Variants in FHL5 observed in about 807,000 individuals in gnomAD.
FHL5 encodes four and a half LIM domains 5, also known as four and a half LIM domains protein 5.
A neutral mutation model predicts 32.0 loss-of-function variants in FHL5; 33 were observed. That is an observed-to-expected ratio of 1.03 (90% CI 0.78 to 1.38). The LOEUF is 1.38. FHL5 is among the 40% of genes most tolerant of loss of function. FHL5 has a pLI of 0.00. For missense variants in FHL5, 336 were observed against 343.9 expected, an observed-to-expected ratio of 0.98 and a Z score of 0.18; for synonymous variants, 114 against 113.6, an observed-to-expected ratio of 1.00 and a Z score of -0.02.
rs138590026 is a variant in FHL5 at position 96,582,704 on chromosome 6, C to T, written c.-13+19349C>T. Reference sequence around the variant, plus strand: ...AACAAACTGTGCTTGCAAATATGTCCCTAGAGACTAATATCAAACATTCCA... The same window carrying T: ...AACAAACTGTGCTTGCAAATATGTCTCTAGAGACTAATATCAAACATTCCA... On this transcript the variant is annotated intron_variant, in intron 1 of 5. Coordinates refer to ENST00000450218, the MANE Select transcript of FHL5 (RefSeq NM_001322466.2). 2.7e-3 allele frequency among the ~76,000 whole-genome samples: 417 copies of T among 152,228 alleles called. 1 individual carries two copies. Among genetic ancestry groups the T allele is most frequent in the African/African-American group, 9.3e-3 (387 of 41,530 alleles).
At chr6:96,576,063 A>G (rs2971601) in intron 1 of FHL5, among the ~76,000 whole-genome samples, 1,607 of 152,328 alleles carry the variant, frequency 0.011, 30 homozygotes, top group African/African-American at 0.037. Flanking sequence ...TACCTCCACA[A>G]CTGTGTGGAC....
At chr6:96,611,530 G>C (rs936709595) in intron 5 of FHL5, among the ~76,000 whole-genome samples, 9 of 152,142 alleles carry the variant, frequency 5.9e-5, no homozygotes, top group Non-Finnish European at 1.3e-4. Context: ...GAGAAACTCA[G>C]CAGCTATTCT....
chr6:96,591,214 CTGTA>C (rs780559974), intron 1 of FHL5, among the ~76,000 whole-genome samples: 49 of 152,230 alleles, frequency 3.2e-4, no homozygotes, highest in Non-Finnish European at 3.8e-4. Flanking sequence ...TTATTTCCCT[CTGTA>C]TGTAGCCTTT....
At chr6:96,610,823 G>C in intron 5 of FHL5, 65 bp downstream of exon 5, 2 of 1,175,898 alleles carry the variant, frequency 1.7e-6, no homozygotes, top group Non-Finnish European at 2.4e-6. Flanking sequence ...ACACTATCTA[G>C]TTAATTTAGG....
At position 96,606,705 on chromosome 6, in the gene FHL5, C is replaced by G. The variant is rs186869981; in HGVS notation, c.504+634C>G. ...GTATTCTGGGAGAAAGCACAGGTCTCTCTTTGAATACAGATGTTTCTTAAA... is the reference window on the plus strand; with the variant it reads ...GTATTCTGGGAGAAAGCACAGGTCTGTCTTTGAATACAGATGTTTCTTAAA... On this transcript the variant is annotated intron_variant, in intron 4 of 5. Coordinates refer to ENST00000450218, the MANE Select transcript of FHL5 (RefSeq NM_001322466.2). 3.0e-3 allele frequency among the ~76,000 whole-genome samples: 454 copies of G among 152,260 alleles called. 5 individuals are homozygous for G. The highest frequency in any genetic ancestry group is 0.011 in the African/African-American group (437 of 41,556).
At chr6:96,598,459 C>G (rs1461167552) in intron 1 of FHL5, among the ~76,000 whole-genome samples, 1 of 152,168 alleles carries the variant, frequency 6.6e-6, no homozygotes, top group African/African-American at 2.4e-5. Context: ...TCCATAATAT[C>G]CATTACAAAA....
At chr6:96,599,870 T>C (rs113942825) in intron 1 of FHL5, among the ~76,000 whole-genome samples, 3,985 of 152,338 alleles carry the variant, frequency 0.026, 59 homozygotes, top group Non-Finnish European at 0.031. Context: ...AGAACAGCTT[T>C]GCTCAAGAAT....
At chr6:96,573,021 C>G (rs1332740424) in intron 1 of FHL5, among the ~76,000 whole-genome samples, 1 of 151,434 alleles carries the variant, frequency 6.6e-6, no homozygotes, top group Non-Finnish European at 1.5e-5. Context: ...ACCTTTAATA[C>G]TTTTAGAAAG....
At chr6:96,566,198 C>T (rs1011573498) in intron 1 of FHL5, among the ~76,000 whole-genome samples, 1 of 151,994 alleles carries the variant, frequency 6.6e-6, no homozygotes, top group Non-Finnish European at 1.5e-5. Flanking sequence ...TCTGCTCTCT[C>T]CTTCTATGAG....
At chr6:96,563,838 A>G (rs1164680986) in intron 1 of FHL5, among the ~76,000 whole-genome samples, 1 of 152,144 alleles carries the variant, frequency 6.6e-6, no homozygotes, top group South Asian at 2.1e-4. Flanking sequence ...GATTCCTGCT[A>G]TTTTCAAGAA....
Position 96,584,671 on chromosome 6 carries a change from G to A in FHL5, c.-12-18931G>A, listed in dbSNP as rs543781422. On this transcript the variant is annotated intron_variant, in intron 1 of 5. Transcript: ENST00000450218. ...GAGTGAGATTTTTATCAAGCATCATGGAGGATGTTCTGGAATTCTCCAGGA... is the reference window on the plus strand; with the variant it reads ...GAGTGAGATTTTTATCAAGCATCATAGAGGATGTTCTGGAATTCTCCAGGA... 7.4e-4 allele frequency among the ~76,000 whole-genome samples: 113 copies of A among 152,182 alleles called. 2 individuals are homozygous for A. The South Asian group carries it at 0.023, about 31-fold the overall frequency.
intron 1 of FHL5, among the ~76,000 whole-genome samples, chr6:96,583,697 T>C (rs1166354158): frequency 6.6e-6 from 1 of 152,152 alleles, no homozygotes; most frequent in African/African-American, 2.4e-5. Flanking sequence ...TTGGCTGATA[T>C]TCAAAGGGCA....
intron 1 of FHL5, among the ~76,000 whole-genome samples, chr6:96,592,528 G>GCAA (rs1770943275): frequency 6.6e-6 from 1 of 152,054 alleles, no homozygotes; most frequent in South Asian, 2.1e-4. Flanking sequence ...GGGTCCTGAG[G>GCAA]CAACATACAT....
chr6:96,567,213 C>T (rs1770376924), intron 1 of FHL5, among the ~76,000 whole-genome samples: 1 of 151,870 alleles, frequency 6.6e-6, no homozygotes, highest in Admixed American at 6.6e-5. Context: ...TATGAATATT[C>T]AGTTTTCCCA....
chr6:96,610,883 A>G (rs112698195), intron 5 of FHL5, 125 bp downstream of exon 5: 16,448 of 675,216 alleles, frequency 0.024, 272 homozygotes, highest in Non-Finnish European at 0.029. Flanking sequence ...CTTTTGAGAT[A>G]AACACAAGTG....
At chr6:96,604,309 C>CTT (rs763819478) in intron 2 of FHL5, among the ~76,000 whole-genome samples, 2 of 133,536 alleles carry the variant, frequency 1.5e-5, no homozygotes, top group Admixed American at 1.5e-4. Context: ...CTCTCTCTTT[C>CTT]TCTCTCTCTC....
intron 1 of FHL5, among the ~76,000 whole-genome samples, chr6:96,584,019 T>G (rs1770746760): frequency 1.3e-5 from 2 of 152,174 alleles, no homozygotes; most frequent in South Asian, 4.1e-4. Flanking sequence ...AGTTTCTATT[T>G]GTTCAATTAT....
In FHL5 at chr6:96,578,906, T is replaced by C. The variant is rs1012819416; in HGVS notation, c.-13+15551T>C. ...TTGGATTAGTTATGTGGGTATTTTC[T>C]ACTAAGTATTTGCGAAATTTCATTT... On this transcript the variant is annotated intron_variant, in intron 1 of 5. Transcript: ENST00000450218. Among the ~76,000 whole-genome samples, 6 of 152,318 alleles carry C rather than the reference T, an allele frequency of 3.9e-5. No homozygotes were observed. In the East Asian group the frequency reaches 1.2e-3, roughly 29 times the overall value.
chr6:96,606,154 CTATTA>C, intron 4 of FHL5, 83 bp downstream of exon 4: 1 of 1,166,594 alleles, frequency 8.6e-7, no homozygotes. Context: ...TGAACTGATA[CTATTA>C]TGTTATATCT....
Sources: gnomAD v4.1 joint callset for allele counts (sites outside exome capture counted in the v4.1 genomes callset) on GRCh38, gnomAD v4.1.1 for gene constraint, MANE v1.5 for transcripts, NCBI Gene and HGNC (gene_info 2026-07-23, HGNC 2026-07-21) for gene names.